EPDR1: variants seen among roughly 807,000 people sequenced by gnomAD.
The protein encoded by EPDR1 is ependymin related 1, also known as mammalian ependymin-related protein 1.
In EPDR1, 27 loss-of-function variants were observed where a neutral mutation model predicts 23.7. The ratio of observed to expected loss-of-function variants is 1.14; its 90% CI spans 0.84 to 1.57. The LOEUF is 1.57. Among genes scored for constraint, EPDR1 ranks in the 40% most tolerant of loss-of-function variants. EPDR1 has a pLI of 0.00. For synonymous variants in EPDR1, 137 were observed against 118.2 expected (o/e 1.16, Z -1.03); for missense variants, 349 against 290.4 (o/e 1.20, Z -1.47).
At chr7:37,925,373 G>A (rs1298549744) in intron 1 of EPDR1, among the ~76,000 whole-genome samples, 2 of 152,060 alleles carry the variant, frequency 1.3e-5, no homozygotes, top group Non-Finnish European at 2.9e-5. Context: ...TGCACAGTCT[G>A]GTATCTTGGA....
intron 1 of EPDR1, 144 bp downstream of exon 1, chr7:37,921,352 C>G (rs1343736347): frequency 7.0e-7 from 1 of 1,419,512 alleles, no homozygotes; most frequent in African/African-American, 1.5e-5. Context: ...CGAGGAGGGT[C>G]TCTTGGGGAT....
intron 1 of EPDR1, among the ~76,000 whole-genome samples, chr7:37,946,806 A>G (rs1029827921): frequency 6.6e-5 from 10 of 151,950 alleles, no homozygotes; most frequent in African/African-American, 2.4e-4. Context: ...TTTTTTTTTA[A>G]TAAAATAAAT....
At chr7:37,921,271 C>T in intron 1 of EPDR1, 63 bp downstream of exon 1, 4 of 1,518,418 alleles carry the variant, frequency 2.6e-6, no homozygotes, top group Non-Finnish European at 3.5e-6. Context: ...AGGGCGAGGT[C>T]GCAGAGGCCT....
chr7:37,931,812 C>T (rs953332927), intron 1 of EPDR1, among the ~76,000 whole-genome samples: 2 of 152,266 alleles, frequency 1.3e-5, no homozygotes, highest in Admixed American at 1.3e-4. Flanking sequence ...GATTCTCCTG[C>T]CTTAGCCTCC....
In EPDR1 at chr7:37,922,758, G is replaced by C. The variant is rs542564279; in HGVS notation, c.269+1550G>C. Reference sequence around the variant, plus strand: ...TCATGTTAGGCACTGTGTATAAACAGAATGGCTCCTGGCTTTCAGGGAGGT... The same window carrying C: ...TCATGTTAGGCACTGTGTATAAACACAATGGCTCCTGGCTTTCAGGGAGGT... On this transcript the variant is annotated intron_variant, in intron 1 of 2. Transcript: ENST00000199448. Among the ~76,000 whole-genome samples, 7 of 152,184 alleles carry C rather than the reference G, an allele frequency of 4.6e-5. No individual in the cohort carries two copies. In the South Asian group the frequency reaches 1.5e-3, roughly 32 times the overall value.
intron 1 of EPDR1, among the ~76,000 whole-genome samples, chr7:37,946,088 G>A (rs558745604): frequency 1.3e-5 from 2 of 152,266 alleles, no homozygotes; most frequent in Admixed American, 1.3e-4. Context: ...GTATTCCATT[G>A]TGTATATGTA....
intron 1 of EPDR1, among the ~76,000 whole-genome samples, chr7:37,935,783 G>T (rs1253793036): frequency 2.6e-5 from 4 of 151,052 alleles, no homozygotes; most frequent in East Asian, 3.9e-4. Context: ...TTGGGTAGGG[G>T]TGGGGAGGTG....
rs1376339591 is a variant in EPDR1, at chr7:37,921,073, C to T, written c.134C>T (p.Pro45Leu). The T allele has an allele frequency of 2.5e-6, 4 of 1,569,020 alleles. No homozygotes were observed. Among genetic ancestry groups the T allele is most frequent in the Non-Finnish European group, 3.4e-6 (4 of 1,163,900 alleles). Residue 45 changes from proline (P) to leucine (L), a missense_variant, in exon 1 of 3, where the codon CCG becomes CTG. By Grantham distance (98) the Pro-to-Leu change is moderately conservative (BLOSUM62 -3). Transcript: ENST00000199448. ...GGAGCCCCGCGCCCGTGCCAGGCGC[C>T]GCAGCAGTGGGAGGGGCGCCAGGTT... ...AVGAPRPCQA[P>L]QQWEGRQVMY...
chr7:37,922,673 G>GT (rs879325601), intron 1 of EPDR1, among the ~76,000 whole-genome samples: 78 of 150,646 alleles, frequency 5.2e-4, no homozygotes, highest in African/African-American at 1.7e-3. Context: ...GCTAGGGGGG[G>GT]GTTCTGACGC....
intron 1 of EPDR1, among the ~76,000 whole-genome samples, chr7:37,939,906 A>G (rs536020024): frequency 3.9e-5 from 6 of 152,232 alleles, no homozygotes; most frequent in Non-Finnish European, 8.8e-5. Context: ...TAACAAAACC[A>G]CAAATGCTTT....
intron 1 of EPDR1, among the ~76,000 whole-genome samples, chr7:37,922,074 G>C (rs902314141): frequency 6.6e-6 from 1 of 152,026 alleles, no homozygotes; most frequent in East Asian, 1.9e-4. Flanking sequence ...ATCACCACCT[G>C]TCTCCCTTCC....
Position 37,950,287 on chromosome 7 carries a change from C to T in EPDR1, c.566C>T (p.Thr189Met), listed in dbSNP as rs147990215. 1.5e-4 allele frequency: 240 copies of T among 1,614,046 alleles called. No individual in the cohort carries two copies. In the African/African-American group the frequency reaches 2.3e-3, roughly 16 times the overall value. ...FTINYSVILSTRFFDIQLGIK... is the reference protein window; with the variant it reads ...FTINYSVILSMRFFDIQLGIK... Reference sequence around the variant, plus strand: ...ATAAACTACAGTGTGATATTGTCTACGCGGTTTTTTGACATCCAGCTGGGT... The same window carrying T: ...ATAAACTACAGTGTGATATTGTCTATGCGGTTTTTTGACATCCAGCTGGGT... Residue 189 changes from threonine (T) to methionine (M), a missense_variant, in exon 3 of 3, where the codon ACG (threonine) becomes ATG (methionine). Coordinates refer to ENST00000199448, the MANE Select transcript of EPDR1 (RefSeq NM_017549.5).
At chr7:37,921,556 CCCCTG>C in intron 1 of EPDR1, 1 of 1,211,384 alleles carries the variant, frequency 8.3e-7, no homozygotes, top group Non-Finnish European at 1.0e-6. Context: ...CTCATGGAGC[CCCCTG>C]CAGTCTAGGG....
chr7:37,934,007 C>T (rs1562859554), intron 1 of EPDR1, among the ~76,000 whole-genome samples: 1 of 144,822 alleles, frequency 6.9e-6, no homozygotes, highest in Non-Finnish European at 1.5e-5. Flanking sequence ...GACGGAGTCT[C>T]GCTCTGTCAC....
Position 37,921,007 on chromosome 7 carries a change from G to A in EPDR1, c.68G>A (p.Trp23Ter), listed in dbSNP as rs961685800. The stretch of plus-strand genomic sequence containing the variant: ...GGTGCCTGGCTGCTGGGCGGCCTCT[G>A]GGCCTGGACCCTGTGCGGCCTGTGC... ...ALGAWLLGGLWAWTLCGLCSL... is the reference protein window; with the variant it reads ...ALGAWLLGGL Residue 23 changes from tryptophan (W) to a stop codon, truncating the protein, a stop_gained, in exon 1 of 3, where the codon TGG becomes TAG. Coordinates refer to ENST00000199448, the MANE Select transcript of EPDR1 (RefSeq NM_017549.5). LOFTEE classifies it high-confidence loss of function. The A allele has an allele frequency of 1.3e-6, 2 of 1,521,832 alleles. No homozygotes were observed. 94.3% of individuals were successfully genotyped at this position (1,521,832 alleles called of 1,614,324 possible). A position where few individuals can be genotyped will look rare whatever the true frequency, so the allele number is the denominator to read the frequency against.
chr7:37,935,183 T>TA lies in EPDR1; in HGVS notation c.270-13655dup, dbSNP rs145728512. Among the ~76,000 whole-genome samples the TA allele has an allele frequency of 6.8e-3, 1,035 of 152,288 alleles. 11 individuals carry two copies. Among genetic ancestry groups the TA allele is most frequent in the African/African-American group, 0.023 (940 of 41,554 alleles). ...CAATCTTCCATGGAGGTAGAGGGAC[T>TA]AATCAGTGTGATTTTCTCAACCTCT... On this transcript the variant is annotated intron_variant, in intron 1 of 2. Transcript: ENST00000199448.
rs534436571 is a variant in EPDR1, at chr7:37,948,580, T to C, written c.270-260T>C. Among the ~76,000 whole-genome samples the C allele has an allele frequency of 4.6e-5, 7 of 152,178 alleles. No homozygotes were observed. The South Asian group carries it at 1.5e-3, about 32-fold the overall frequency. On this transcript the variant is annotated intron_variant, in intron 1 of 2. Coordinates refer to ENST00000199448, the MANE Select transcript of EPDR1 (RefSeq NM_017549.5). The stretch of plus-strand genomic sequence containing the variant: ...CCAGGCCGGTCTCAAACTCCTGGGC[T>C]CAAAACGTACTCCATCCTCGGCCTC...
intron 1 of EPDR1, chr7:37,926,779 G>T (rs970653519): frequency 1.8e-4 from 79 of 433,648 alleles, no homozygotes; most frequent in Non-Finnish European, 3.5e-4. Context: ...TCTTCACTGT[G>T]AAATGATACA....
chr7:37,922,397 T>A (rs1388406367), intron 1 of EPDR1, among the ~76,000 whole-genome samples: 1 of 152,218 alleles, frequency 6.6e-6, no homozygotes, highest in African/African-American at 2.4e-5. Context: ...CATGGTGGAC[T>A]GGGAATTGAT....
Sources: allele counts gnomAD v4.1 joint callset (sites outside exome capture counted in the v4.1 genomes callset), GRCh38; gene constraint gnomAD v4.1.1; transcripts MANE v1.5; gene names NCBI Gene and HGNC (gene_info 2026-07-23, HGNC 2026-07-21).